Variants in BRCA2 observed in about 807,000 individuals in gnomAD.
The protein encoded by BRCA2 is BRCA2 DNA repair associated.
In BRCA2, 203 loss-of-function variants were observed where a neutral mutation model predicts 276.7. The observed-to-expected ratio is 0.73, with a 90% CI of 0.65 to 0.82. The LOEUF is 0.82. BRCA2 is among the 40% of genes least tolerant of loss of function. The pLI, the probability that BRCA2 is intolerant of heterozygous loss-of-function variation, is 0.00. For synonymous variants in BRCA2, 1,289 were observed against 1,338.4 expected (o/e 0.96, Z 0.81); for missense variants, 3,920 against 3,915.0 (o/e 1.00, Z -0.03).
intron 24 of BRCA2, among the ~76,000 whole-genome samples, chr13:32,386,905 G>A (rs1281519378): frequency 6.6e-6 from 1 of 152,224 alleles, no homozygotes; most frequent in Non-Finnish European, 1.5e-5. Flanking sequence ...CACAGTTCTG[G>A]AGGCTGGAAA....
At chr13:32,330,818 A>T (rs2137460590) in intron 8 of BRCA2, 101 bp from the exon 9 acceptor site, 1 of 746,652 alleles carries the variant, frequency 1.3e-6, no homozygotes, top group Non-Finnish European at 2.3e-6. Context: ...GATTGCAGAT[A>T]ACTGAAATCA....
At chr13:32,326,365 A>C in intron 6 of BRCA2, 83 bp downstream of exon 6, 1 of 1,516,932 alleles carries the variant, frequency 6.6e-7, no homozygotes, top group Non-Finnish European at 9.1e-7. Context: ...TGAGATTTAC[A>C]AATCTGTACC....
rs1555282563 is a variant in BRCA2, at chr13:32,336,599, C to T, written c.2244C>T (p.Tyr748=). The change falls in exon 11 of 27, where the codon TAC becomes TAT. Residue 748 remains tyrosine (Y), a synonymous_variant. Transcript: ENST00000380152. ...CAGTACAACATTCAAAAGTGGAATA[C>T]AGTGATACTGACTTTCAATCCCAGA... ...CHPVQHSKVE[Y]SDTDFQSQKS... The T allele has an allele frequency of 6.2e-7, 1 of 1,614,038 alleles. No homozygotes were observed. The highest frequency in any genetic ancestry group is 8.5e-7 in the Non-Finnish European group (1 of 1,179,972).
chr13:32,351,871 G>A (rs1593916084), intron 13 of BRCA2, among the ~76,000 whole-genome samples: 1 of 151,924 alleles, frequency 6.6e-6, no homozygotes, highest in Non-Finnish European at 1.5e-5. Context: ...GCACGATCTT[G>A]GCTCACTGCA....
chr13:32,336,984 C>G lies in BRCA2; in HGVS notation c.2629C>G (p.Pro877Ala), dbSNP rs80358524. ...TTCAATTTCAAAAATAACTGTCAAT[C>G]CAGACTCTGAAGAACTTTTCTCAGA... The part of the protein sequence containing the change: ...TTSISKITVN[P>A]DSEELFSDNE... The change falls in exon 11 of 27, where the codon CCA (proline) becomes GCA (alanine). Residue 877 changes from proline to alanine, a missense_variant. Pro to Ala is a conservative substitution (Grantham distance 27). Transcript: ENST00000380152. 2 of 1,587,954 alleles carry G rather than the reference C, an allele frequency of 1.3e-6. No homozygotes were observed. The highest frequency in any genetic ancestry group is 1.7e-6 in the Non-Finnish European group (2 of 1,172,284).
chr13:32,393,932 C>T (rs1217749315), intron 24 of BRCA2, among the ~76,000 whole-genome samples: 2 of 152,160 alleles, frequency 1.3e-5, no homozygotes, highest in Non-Finnish European at 2.9e-5. Flanking sequence ...CCTTTTTCCC[C>T]CACTCACACC....
intron 10 of BRCA2, among the ~76,000 whole-genome samples, chr13:32,334,833 G>A (rs895670301): frequency 2.6e-5 from 4 of 152,028 alleles, no homozygotes; most frequent in African/African-American, 7.3e-5. Context: ...CTGCATCTCC[G>A]TGGTGTAACT....
intron 20 of BRCA2, among the ~76,000 whole-genome samples, chr13:32,373,763 G>A (rs1188849316): frequency 1.3e-5 from 2 of 152,184 alleles, no homozygotes; most frequent in African/African-American, 2.4e-5. Flanking sequence ...GGGGATGATG[G>A]CCCTCTTCTC....
At chr13:32,343,906 T>C (rs543015716) in intron 11 of BRCA2, among the ~76,000 whole-genome samples, 3 of 152,254 alleles carry the variant, frequency 2.0e-5, no homozygotes, top group Admixed American at 6.5e-5. Context: ...TTTTTACTTA[T>C]TAAATTATAC....
rs28897750 is a variant in BRCA2 at position 32,363,511 on chromosome 13, C to A, written c.8309C>A (p.Ala2770Asp). 6.2e-6 allele frequency: 10 copies of A among 1,613,568 alleles called. No individual in the cohort carries two copies. The highest frequency in any genetic ancestry group is 8.5e-6 in the Non-Finnish European group (10 of 1,179,604). ...CCTGATGCCTGTACACCTCTTGAAGCCCCAGAATCTCTTATGTTAAAGGTA... is the reference window on the plus strand; with the variant it reads ...CCTGATGCCTGTACACCTCTTGAAGACCCAGAATCTCTTATGTTAAAGGTA... ...GSPDACTPLE[A>D]PESLMLKISA... The change falls in exon 18 of 27, where the codon GCC becomes GAC. Residue 2770 changes from alanine (A) to aspartate (D), a missense_variant. Ala to Asp is a moderately radical substitution (Grantham distance 126). Transcript: ENST00000380152.
At chr13:32,321,833 A>G (rs1283907668) in intron 3 of BRCA2, among the ~76,000 whole-genome samples, 1 of 152,202 alleles carries the variant, frequency 6.6e-6, no homozygotes, top group Non-Finnish European at 1.5e-5. Context: ...GCATTAAATC[A>G]TAGGCATTTC....
At position 32,399,666 on chromosome 13, in the gene BRCA2, A is replaced by G. The variant is rs1314363764; in HGVS notation, c.*896A>G. 1 of 176,200 alleles carries G rather than the reference A, an allele frequency of 5.7e-6. No homozygotes were observed. Among genetic ancestry groups the G allele is most frequent in the East Asian group, 9.6e-5 (1 of 10,426 alleles). 10.9% of individuals were successfully genotyped at this position (176,200 alleles called of 1,614,324 possible). ...GAAAATATCTTGCTTTCAAATTGGCACTGATTCTGCCTGCTTTATTTTTAG... is the reference window on the plus strand; with the variant it reads ...GAAAATATCTTGCTTTCAAATTGGCGCTGATTCTGCCTGCTTTATTTTTAG... On this transcript the variant is annotated 3_prime_UTR_variant, in exon 27 of 27. Transcript: ENST00000380152.
chr13:32,316,439 T>A lies in BRCA2; in HGVS notation c.-22T>A. 2 of 1,606,926 alleles carry A rather than the reference T, an allele frequency of 1.2e-6. No individual in the cohort carries two copies. The highest frequency in any genetic ancestry group is 1.7e-6 in the Non-Finnish European group (2 of 1,173,458). On this transcript the variant is annotated 5_prime_UTR_variant, in exon 2 of 27. Transcript: ENST00000380152. The stretch of plus-strand genomic sequence containing the variant: ...TTTTGCAGACTTATTTACCAAGCAT[T>A]GGAGGAATATCGTAGGTAAAAATGC...
In BRCA2 at chr13:32,399,599, ATT is replaced by A. The variant is rs75353978; in HGVS notation, c.*838_*839del. 4 of 175,278 alleles carry A rather than the reference ATT, an allele frequency of 2.3e-5. No individual in the cohort carries two copies. Among genetic ancestry groups the A allele is most frequent in the East Asian group, 9.8e-5 (1 of 10,204 alleles). 10.9% of individuals were successfully genotyped at this position (175,278 alleles called of 1,614,324 possible). A position where few individuals can be genotyped will look rare whatever the true frequency, so the allele number is the denominator to read the frequency against. ...AATCAGAAGATTTCATAGTTAATTTATTTTTTTTTTCAACAAAATGGTCATCC... is the reference window on the plus strand; with the variant it reads ...AATCAGAAGATTTCATAGTTAATTTATTTTTTTTCAACAAAATGGTCATCC... On this transcript the variant is annotated 3_prime_UTR_variant, in exon 27 of 27. Coordinates refer to ENST00000380152, the MANE Select transcript of BRCA2 (RefSeq NM_000059.4).
chr13:32,388,964 T>G lies in BRCA2; in HGVS notation c.9257-5725T>G, dbSNP rs567979190. Among the ~76,000 whole-genome samples the G allele has an allele frequency of 1.1e-3, 168 of 152,340 alleles. 1 individual carries two copies. The highest frequency in any genetic ancestry group is 0.011 in the South Asian group (53 of 4,828). Reference sequence around the variant, plus strand: ...TTATTTGTTTTCTATTTGTTTCTCCTGCTTTTCATTCCTCCATTTCTCTTT... The same window carrying G: ...TTATTTGTTTTCTATTTGTTTCTCCGGCTTTTCATTCCTCCATTTCTCTTT... On this transcript the variant is annotated intron_variant, in intron 24 of 26. Transcript: ENST00000380152.
At chr13:32,392,775 G>T (rs2073006082) in intron 24 of BRCA2, among the ~76,000 whole-genome samples, 1 of 152,024 alleles carries the variant, frequency 6.6e-6, no homozygotes. Flanking sequence ...CCATACTGTA[G>T]ATGTATTTGA....
Position 32,338,960 on chromosome 13 carries a change from A to G in BRCA2, c.4605A>G (p.Ala1535=), listed in dbSNP as rs1380498983. 1 of 1,613,908 alleles carries G rather than the reference A, an allele frequency of 6.2e-7. No homozygotes were observed. Among genetic ancestry groups the G allele is most frequent in the African/African-American group, 1.3e-5 (1 of 75,034 alleles). ...HTASGKKVKI[A]KESLDKVKNL... ...CTAGCGGGAAAAAAGTTAAAATTGCAAAGGAATCTTTGGACAAAGTGAAAA... is the reference window on the plus strand; with the variant it reads ...CTAGCGGGAAAAAAGTTAAAATTGCGAAGGAATCTTTGGACAAAGTGAAAA... The change falls in exon 11 of 27, where the codon GCA becomes GCG. Residue 1535 remains alanine (A), a synonymous_variant. Transcript: ENST00000380152.
In BRCA2 at chr13:32,379,278, T is replaced by G. The variant is rs1405760085; in HGVS notation, c.8755-39T>G. 6 of 1,608,338 alleles carry G rather than the reference T, an allele frequency of 3.7e-6. No homozygotes were observed. The African/African-American group carries it at 8.0e-5, about 22-fold the overall frequency. On this transcript the variant is annotated intron_variant, in intron 21 of 26. Transcript: ENST00000380152. ...GTTACAATAGATGGAACTTTTTTGT[T>G]CTGATTGCTTTTTATTCCAATATCT...
chr13:32,359,224 A>G (rs112050280), intron 16 of BRCA2, among the ~76,000 whole-genome samples: 2 of 18,628 alleles, frequency 1.1e-4, no homozygotes, highest in South Asian at 2.4e-3. Flanking sequence ...CATCTCAAGA[A>G]AAAAAAAAAA....
Sources: gnomAD v4.1 joint callset for allele counts (sites outside exome capture counted in the v4.1 genomes callset) on GRCh38, gnomAD v4.1.1 for gene constraint, MANE v1.5 for transcripts, NCBI Gene and HGNC (gene_info 2026-07-23, HGNC 2026-07-21) for gene names.